APOLD1: variants seen among roughly 807,000 people sequenced by gnomAD.
APOLD1 encodes apolipoprotein L domain-containing protein 1.
APOLD1 carries 22 observed loss-of-function variants against 15.3 expected under a neutral mutation model. The ratio of observed to expected loss-of-function variants is 1.44; its 90% CI spans 1.03 to 2.05. The LOEUF is 2.05. Ranked by LOEUF, APOLD1 falls within the 30% of genes most tolerant of loss-of-function variation. The pLI, the probability that APOLD1 is intolerant of heterozygous loss-of-function variation, is 0.00. For synonymous variants in APOLD1, 190 were observed against 167.4 expected, an observed-to-expected ratio of 1.13 and a Z score of -1.04; for missense variants, 394 against 353.5, an observed-to-expected ratio of 1.11 and a Z score of -0.92.
rs139036704 is a variant in APOLD1 at position 12,738,542 on chromosome 12, C to T, written c.96+12446C>T. On this transcript the variant is annotated intron_variant, in intron 1 of 1. Transcript: ENST00000326765. Reference sequence around the variant, plus strand: ...TATTTACATATCTACTATCTTAAAACGGTGTCCTTTTAAGAATTTCAAATG... The same window carrying T: ...TATTTACATATCTACTATCTTAAAATGGTGTCCTTTTAAGAATTTCAAATG... Among the ~76,000 whole-genome samples the T allele has an allele frequency of 1.8e-3, 281 of 152,258 alleles. 2 individuals carry two copies. Among genetic ancestry groups the T allele is most frequent in the African/African-American group, 6.5e-3 (270 of 41,550 alleles).
intron 1 of APOLD1, among the ~76,000 whole-genome samples, chr12:12,771,944 G>A (rs11055057): frequency 0.31 from 47,110 of 151,622 alleles, 7,424 homozygotes; most frequent in African/African-American, 0.38. Context: ...TGCAAACTCT[G>A]GGGCAATCAT....
chr12:12,729,452 A>T (rs758415740), intron 1 of APOLD1, among the ~76,000 whole-genome samples: 1 of 151,912 alleles, frequency 6.6e-6, no homozygotes, highest in Non-Finnish European at 1.5e-5. Context: ...TAGAGACAGG[A>T]TCTCTCTACG....
At chr12:12,754,473 G>A (rs1046596760) in intron 1 of APOLD1, among the ~76,000 whole-genome samples, 2 of 151,494 alleles carry the variant, frequency 1.3e-5, no homozygotes, top group South Asian at 2.1e-4. Flanking sequence ...ATTTAGAGAC[G>A]GAGTCTTGCT....
chr12:12,760,594 G>C (rs1946890737), intron 1 of APOLD1, among the ~76,000 whole-genome samples: 1 of 150,028 alleles, frequency 6.7e-6, no homozygotes, highest in Admixed American at 6.6e-5. Context: ...AGCCGAGATA[G>C]TGCCATTGCA....
At chr12:12,763,427 C>T (rs1946917649) in intron 1 of APOLD1, among the ~76,000 whole-genome samples, 1 of 151,924 alleles carries the variant, frequency 6.6e-6, no homozygotes, top group African/African-American at 2.4e-5. Flanking sequence ...ATAACCTATG[C>T]ACATCTTCCA....
At chr12:12,753,811 G>A (rs1439995553) in intron 1 of APOLD1, among the ~76,000 whole-genome samples, 2 of 152,154 alleles carry the variant, frequency 1.3e-5, no homozygotes, top group Non-Finnish European at 2.9e-5. Flanking sequence ...CACGAAATTT[G>A]TGAATAGAAA....
At chr12:12,730,121 C>A (rs1012418482) in intron 1 of APOLD1, among the ~76,000 whole-genome samples, 1 of 150,072 alleles carries the variant, frequency 6.7e-6, no homozygotes, top group African/African-American at 2.5e-5. Context: ...GCTATGTTGT[C>A]CAGGCTGGTA....
intron 1 of APOLD1, among the ~76,000 whole-genome samples, chr12:12,754,993 G>A (rs1036518934): frequency 1.3e-5 from 2 of 151,926 alleles, no homozygotes; most frequent in Admixed American, 1.3e-4. Context: ...GCTGCAGTGA[G>A]CCATGATCAG....
At position 12,771,822 on chromosome 12, in the gene APOLD1, C is replaced by G. The variant is rs563958633; in HGVS notation, c.97-15087C>G. On this transcript the variant is annotated intron_variant, in intron 1 of 1. Transcript: ENST00000326765. ...AGTGAAACAAATGACCACAATGATA[C>G]AAAAGATGTGAGAGAGAAATTAGGA... is the stretch of plus-strand genomic sequence containing the variant. 2.5e-4 allele frequency: 50 copies of G among 196,320 alleles called. 2 individuals are homozygous for G. In the South Asian group the frequency reaches 3.9e-3, roughly 15 times the overall value. 12.2% of individuals were successfully genotyped at this position (196,320 alleles called of 1,614,324 possible). A position where few individuals can be genotyped will look rare whatever the true frequency, so the allele number is the denominator to read the frequency against.
At chr12:12,743,522 A>C (rs932211023) in intron 1 of APOLD1, among the ~76,000 whole-genome samples, 1 of 152,168 alleles carries the variant, frequency 6.6e-6, no homozygotes, top group African/African-American at 2.4e-5. Flanking sequence ...ACTATGGAAG[A>C]GTGGTTGCTC....
chr12:12,738,311 C>A (rs1038863437), intron 1 of APOLD1, among the ~76,000 whole-genome samples: 2 of 150,608 alleles, frequency 1.3e-5, no homozygotes, highest in Non-Finnish European at 1.5e-5. Flanking sequence ...TGGGCTCAGG[C>A]AGTCCTCCTG....
chr12:12,786,679 T>C, intron 1 of APOLD1: 1 of 985,434 alleles, frequency 1.0e-6, no homozygotes, highest in Non-Finnish European at 1.2e-6. Context: ...ATTATTCCTA[T>C]TTCCATATGC....
chr12:12,726,156 C>CAAAAA (rs745785485), intron 1 of APOLD1: 5,067 of 112,892 alleles, frequency 0.045, 233 homozygotes, highest in Non-Finnish European at 0.061. Flanking sequence ...TCTTCGCAAC[C>CAAAAA]AAAAAAAAAA....
chr12:12,739,375 G>T (rs1366722034), intron 1 of APOLD1, among the ~76,000 whole-genome samples: 2 of 152,236 alleles, frequency 1.3e-5, no homozygotes, highest in Non-Finnish European at 2.9e-5. Flanking sequence ...GAACGGGAAA[G>T]AGTATCAGTG....
chr12:12,756,278 A>G (rs1313734496), intron 1 of APOLD1, among the ~76,000 whole-genome samples: 3 of 152,164 alleles, frequency 2.0e-5, no homozygotes, highest in Admixed American at 6.5e-5. Flanking sequence ...CTTTTTCGAG[A>G]ATAGCTGCTT....
intron 1 of APOLD1, among the ~76,000 whole-genome samples, chr12:12,769,651 A>T (rs563424729): frequency 2.0e-5 from 3 of 152,344 alleles, no homozygotes; most frequent in East Asian, 1.9e-4. Context: ...GTTCTTAAGA[A>T]CAAGGTCTTC....
At chr12:12,751,106 T>C (rs1946809554) in intron 1 of APOLD1, among the ~76,000 whole-genome samples, 2 of 151,856 alleles carry the variant, frequency 1.3e-5, no homozygotes, top group Admixed American at 1.3e-4. Context: ...TATTAATGTG[T>C]TATAGTGAAC....
chr12:12,754,711 G>C (rs1402570129), intron 1 of APOLD1, among the ~76,000 whole-genome samples: 1 of 151,914 alleles, frequency 6.6e-6, no homozygotes, highest in South Asian at 2.1e-4. Context: ...GATTACAGGC[G>C]TGAGTCACCA....
At chr12:12,760,853 T>C (rs529123059) in intron 1 of APOLD1, among the ~76,000 whole-genome samples, 9 of 152,326 alleles carry the variant, frequency 5.9e-5, no homozygotes, top group African/African-American at 2.2e-4. Context: ...TAATAGTCAG[T>C]AAAGCACATT....
Sources: allele counts gnomAD v4.1 joint callset (sites outside exome capture counted in the v4.1 genomes callset), GRCh38; gene constraint gnomAD v4.1.1; transcripts MANE v1.5; gene names NCBI Gene and HGNC (gene_info 2026-07-23, HGNC 2026-07-21).